Variants in POU2AF2 observed in about 807,000 individuals in gnomAD.
The protein encoded by POU2AF2 is POU domain class 2-associating factor 2.
At chr11:111,262,399 T>G in the POU2AF2 span, among the ~76,000 whole-genome samples, 3 of 152,258 alleles carry the variant, frequency 2.0e-5, no homozygotes, top group Non-Finnish European at 4.4e-5. Flanking sequence ...GACTGCTAGT[T>G]GGACGTTTGT....
the POU2AF2 span, among the ~76,000 whole-genome samples, chr11:111,262,963 G>GT: frequency 4.6e-5 from 7 of 152,070 alleles, no homozygotes; most frequent in African/African-American, 1.4e-4. Context: ...CAAGTGGTCT[G>GT]TTTTTTTCAT....
the POU2AF2 span, among the ~76,000 whole-genome samples, chr11:111,276,453 A>AAAAAAAAATATATATATATATAT: frequency 5.3e-5 from 2 of 37,674 alleles, no homozygotes; most frequent in Admixed American, 3.5e-4. Flanking sequence ...AAAAAAAAAA[A>AAAAAAAAATATATATATATATAT]ATATATATAT....
chr11:111,268,489 TTTATTTTATTTTATTTTATTTTATTTTA>T, the POU2AF2 span, among the ~76,000 whole-genome samples: 1 of 48,716 alleles, frequency 2.1e-5, no homozygotes, highest in Non-Finnish European at 4.6e-5. Context: ...TTTATTTTAT[TTTATTTTATTTTATTTTATTTTATTTTA>T]TTTTATTTTA....
chr11:111,252,139 C>T, the POU2AF2 span, among the ~76,000 whole-genome samples: 1 of 152,218 alleles, frequency 6.6e-6, no homozygotes, highest in African/African-American at 2.4e-5. Flanking sequence ...CCTCAATTCC[C>T]AGGCCCTCCT....
chr11:111,248,061 T>A, the POU2AF2 span, among the ~76,000 whole-genome samples: 1 of 151,648 alleles, frequency 6.6e-6, no homozygotes, highest in Non-Finnish European at 1.5e-5. Context: ...TTTTTTTGTA[T>A]TTTTTTAGTG....
chr11:111,265,795 A>G, the POU2AF2 span, among the ~76,000 whole-genome samples: 1 of 152,226 alleles, frequency 6.6e-6, no homozygotes, highest in East Asian at 1.9e-4. Flanking sequence ...TAATTTTAAT[A>G]TAATATACAT....
At chr11:111,264,829 GA>G in the POU2AF2 span, among the ~76,000 whole-genome samples, 1 of 142,044 alleles carries the variant, frequency 7.0e-6, no homozygotes, top group Non-Finnish European at 1.5e-5. Flanking sequence ...GGGAAAGAAA[GA>G]AAGAGAGGAA....
chr11:111,285,971 G>T, the POU2AF2 span: 63 of 1,613,978 alleles, frequency 3.9e-5, no homozygotes, highest in South Asian at 6.9e-4. Flanking sequence ...AGCAGACACC[G>T]GTTCCCTCCA....
At chr11:111,259,046 A>G in the POU2AF2 span, among the ~76,000 whole-genome samples, 1 of 152,246 alleles carries the variant, frequency 6.6e-6, no homozygotes, top group African/African-American at 2.4e-5. Context: ...ACAAGAACTT[A>G]GCAACCAAGC....
At chr11:111,285,944 C>T in the POU2AF2 span, 1 of 1,614,062 alleles carries the variant, frequency 6.2e-7, no homozygotes, top group Admixed American at 1.7e-5. Context: ...GGTGGGGCCA[C>T]TCTCCCCAGA....
the POU2AF2 span, among the ~76,000 whole-genome samples, chr11:111,280,055 A>T: frequency 4.0e-3 from 260 of 65,594 alleles, 1 homozygote; most frequent in South Asian, 0.048. Context: ...AAAAAAAAAA[A>T]AAATATATAT....
At chr11:111,259,859 C>A in the POU2AF2 span, among the ~76,000 whole-genome samples, 1 of 152,162 alleles carries the variant, frequency 6.6e-6, no homozygotes, top group African/African-American at 2.4e-5. Context: ...TAGTATCTTA[C>A]GCTCATCCTC....
chr11:111,247,735 T>G, the POU2AF2 span, among the ~76,000 whole-genome samples: 1 of 151,886 alleles, frequency 6.6e-6, no homozygotes, highest in East Asian at 2.0e-4. Context: ...TGCAGTGAGC[T>G]GAGATCGTGC....
the POU2AF2 span, chr11:111,245,929 A>G: frequency 2.0e-5 from 8 of 398,272 alleles, no homozygotes; most frequent in East Asian, 1.1e-4. Flanking sequence ...TTGATAACAC[A>G]AAGTCATAAC....
the POU2AF2 span, among the ~76,000 whole-genome samples, chr11:111,255,496 C>A: frequency 6.6e-6 from 1 of 152,128 alleles, no homozygotes; most frequent in Non-Finnish European, 1.5e-5. Context: ...CAATAACAAA[C>A]AACTTTCTTC....
At chr11:111,250,844 G>A in the POU2AF2 span, among the ~76,000 whole-genome samples, 8 of 152,168 alleles carry the variant, frequency 5.3e-5, no homozygotes, top group Non-Finnish European at 7.3e-5. Flanking sequence ...GACAGCCAGC[G>A]CAAAAGTCTT....
chr11:111,268,489 TTTATTTTATTTTA>T, the POU2AF2 span, among the ~76,000 whole-genome samples: 51 of 48,686 alleles, frequency 1.0e-3, no homozygotes, highest in Non-Finnish European at 1.7e-3. Flanking sequence ...TTTATTTTAT[TTTATTTTATTTTA>T]TTTTATTTTA....
chr11:111,281,480 A>G, the POU2AF2 span: 14 of 1,604,272 alleles, frequency 8.7e-6, no homozygotes, highest in Non-Finnish European at 1.2e-5. Flanking sequence ...TCCCTTTTGA[A>G]TTTAAATCAA....
the POU2AF2 span, among the ~76,000 whole-genome samples, chr11:111,249,254 A>G: frequency 1.3e-5 from 2 of 152,318 alleles, no homozygotes; most frequent in South Asian, 2.1e-4. Context: ...CACAGGGGAA[A>G]AAAATGTTTT....
Sources: gnomAD v4.1 joint callset for allele counts (sites outside exome capture counted in the v4.1 genomes callset) on GRCh38, gnomAD v4.1.1 for gene constraint, MANE v1.5 for transcripts, NCBI Gene and HGNC (gene_info 2026-07-23, HGNC 2026-07-21) for gene names.